The following NUMB variants were observed in gnomAD, a reference collection of about 807,000 sequenced individuals.
The protein encoded by NUMB is NUMB endocytic adaptor protein, also known as protein numb homolog.
NUMB carries 29 observed loss-of-function variants against 59.7 expected under a neutral mutation model. The observed-to-expected ratio is 0.49, with a 90% confidence interval of 0.36 to 0.66. The LOEUF (loss-of-function observed/expected upper bound fraction) is 0.66. Among genes scored for constraint, NUMB ranks in the 30% least tolerant of loss-of-function variants. The pLI is 0.00. For synonymous variants in NUMB, 288 were observed against 288.2 expected, an observed-to-expected ratio of 1.00 and a Z score of 0.01; for missense variants, 723 against 822.0, an observed-to-expected ratio of 0.88 and a Z score of 1.47.
chr14:73,393,175 T>TTAA (rs1895941748), intron 2 of NUMB, among the ~76,000 whole-genome samples: 1 of 152,196 alleles, frequency 6.6e-6, no homozygotes, highest in Non-Finnish European at 1.5e-5. Flanking sequence ...CACATTGCAT[T>TTAA]TAATCCTGAT....
chr14:73,353,960 A>G (rs931958028), intron 4 of NUMB, among the ~76,000 whole-genome samples: 2 of 152,138 alleles, frequency 1.3e-5, no homozygotes, highest in African/African-American at 4.8e-5. Context: ...TTAAAATATT[A>G]TTTCTACAAA....
At chr14:73,309,184 C>A (rs1267072069) in intron 6 of NUMB, among the ~76,000 whole-genome samples, 5 of 152,010 alleles carry the variant, frequency 3.3e-5, no homozygotes, top group Non-Finnish European at 5.9e-5. Flanking sequence ...GGGAGGGAAA[C>A]AATATATGAG....
rs968428254 is a variant in NUMB, at chr14:73,275,837, C to CTTTT, written c.*737_*740dup. 3 of 152,378 alleles carry CTTTT rather than the reference C, an allele frequency of 2.0e-5. No homozygotes were observed. The highest frequency in any genetic ancestry group is 7.3e-5 in the African/African-American group (3 of 41,208). The allele number at this position is 152,378 out of a possible 1,614,324, so 9.4% of individuals were successfully genotyped here. A position where few individuals can be genotyped will look rare whatever the true frequency, so the allele number is the denominator to read the frequency against. ...CTGTCTGCAGCTTCCAGCCTTTCCT[C>CTTTT]TTTTTATTTCAGTAGGCATCAATGA... On this transcript the variant is annotated 3_prime_UTR_variant, in exon 13 of 13. Transcript: ENST00000555238.
chr14:73,371,035 AT>A (rs11364577), intron 2 of NUMB, among the ~76,000 whole-genome samples: 121,828 of 152,070 alleles, frequency 0.8, 49,356 homozygotes, highest in African/African-American at 0.92. Flanking sequence ...CTGGACTCCC[AT>A]TCTCGGCCTC....
At chr14:73,374,741 G>A (rs549078642) in intron 2 of NUMB, among the ~76,000 whole-genome samples, 1 of 26,474 alleles carries the variant, frequency 3.8e-5, no homozygotes, top group Non-Finnish European at 7.0e-5. Context: ...TTTTTTTTTT[G>A]AGACAGAGTC....
intron 2 of NUMB, among the ~76,000 whole-genome samples, chr14:73,373,962 G>A (rs916333590): frequency 6.6e-6 from 1 of 151,200 alleles, no homozygotes; most frequent in African/African-American, 2.4e-5. Flanking sequence ...TCCACCTCCC[G>A]GGTTCAAGCG....
intron 2 of NUMB, among the ~76,000 whole-genome samples, chr14:73,386,300 A>G (rs1266707261): frequency 6.6e-6 from 1 of 152,192 alleles, no homozygotes; most frequent in East Asian, 1.9e-4. Flanking sequence ...CAACAGATAT[A>G]TAGCTTTTAA....
At chr14:73,286,139 C>T (rs548047002) in intron 9 of NUMB, 1 of 148,566 alleles carries the variant, frequency 6.7e-6, no homozygotes, top group East Asian at 2.0e-4. Flanking sequence ...ATCCTCTGGT[C>T]TCAGCCTCCC....
chr14:73,402,512 A>G (rs763684594), intron 2 of NUMB, among the ~76,000 whole-genome samples: 9 of 152,204 alleles, frequency 5.9e-5, no homozygotes, highest in Non-Finnish European at 8.8e-5. Context: ...TAGTGTAACT[A>G]GGAATCAAAT....
chr14:73,399,605 C>T (rs1460783850), intron 2 of NUMB, among the ~76,000 whole-genome samples: 2 of 151,998 alleles, frequency 1.3e-5, no homozygotes, highest in African/African-American at 4.8e-5. Flanking sequence ...AAGGCTTAGC[C>T]ATATGCAGTG....
chr14:73,436,754 G>A (rs2140178669), intron 1 of NUMB, among the ~76,000 whole-genome samples: 1 of 151,942 alleles, frequency 6.6e-6, no homozygotes, highest in African/African-American at 2.4e-5. Context: ...GCTGAGGCGG[G>A]CGGATCACGA....
In NUMB at chr14:73,292,846, TTCTC is replaced by T. The variant is rs1280055413; in HGVS notation, c.334_337del (p.Glu112LysfsTer42). ...CCTGTCTGGGGCACAGAAAGAAACT[TTCTC>T]TATCGTCTGGTCAACTATGAGGTCC... is the stretch of plus-strand genomic sequence containing the variant. On this transcript the variant is annotated frameshift_variant, in exon 8 of 13. Transcript: ENST00000555238. LOFTEE classifies it high-confidence loss of function. 6.2e-7 allele frequency: 1 copy of T among 1,614,212 alleles called. No individual in the cohort carries two copies. The highest frequency in any genetic ancestry group is 8.5e-7 in the Non-Finnish European group (1 of 1,180,034).
chr14:73,359,363 A>G (rs768564160), intron 3 of NUMB, among the ~76,000 whole-genome samples: 34 of 152,232 alleles, frequency 2.2e-4, no homozygotes, highest in Non-Finnish European at 2.9e-4. Flanking sequence ...AATAATAACA[A>G]TAAAGCATGT....
chr14:73,333,638 T>C (rs1892117760), intron 4 of NUMB, among the ~76,000 whole-genome samples: 1 of 152,194 alleles, frequency 6.6e-6, no homozygotes, highest in African/African-American at 2.4e-5. Flanking sequence ...TAGATCCTTA[T>C]CAGACATATA....
chr14:73,337,424 C>G (rs1003234999), intron 4 of NUMB, among the ~76,000 whole-genome samples: 1 of 152,152 alleles, frequency 6.6e-6, no homozygotes, highest in South Asian at 2.1e-4. Context: ...ATTGCTTGAA[C>G]CTGGGAGATG....
chr14:73,447,284 C>T (rs749445249), intron 1 of NUMB, among the ~76,000 whole-genome samples: 2 of 148,270 alleles, frequency 1.3e-5, no homozygotes, highest in South Asian at 2.2e-4. Flanking sequence ...GTCAGGAGTT[C>T]GAGACCAGAC....
chr14:73,409,500 A>G (rs1896816457), intron 2 of NUMB: 1 of 152,436 alleles, frequency 6.6e-6, no homozygotes, highest in Admixed American at 6.5e-5. Flanking sequence ...CCAGCCACTG[A>G]GCCACTCCAA....
chr14:73,428,502 A>T (rs1897681735), intron 1 of NUMB, among the ~76,000 whole-genome samples: 2 of 152,196 alleles, frequency 1.3e-5, no homozygotes, highest in South Asian at 4.1e-4. Context: ...AGCAGAATCT[A>T]AAAAAACATG....
intron 1 of NUMB, among the ~76,000 whole-genome samples, chr14:73,429,940 G>T: frequency 6.7e-6 from 1 of 148,818 alleles, no homozygotes; most frequent in Non-Finnish European, 1.5e-5. Context: ...GTGAGACTCT[G>T]TCTCAAAAAA....
Sources: allele counts gnomAD v4.1 joint callset (sites outside exome capture counted in the v4.1 genomes callset), GRCh38; gene constraint gnomAD v4.1.1; transcripts MANE v1.5; gene names NCBI Gene and HGNC (gene_info 2026-07-23, HGNC 2026-07-21).